MCU: variants seen among roughly 807,000 people sequenced by gnomAD.
MCU encodes the protein mitochondrial calcium uniporter, also known as calcium uniporter protein, mitochondrial.
MCU carries 12 observed loss-of-function variants against 45.2 expected under a neutral mutation model. The observed-to-expected ratio is 0.27, with a 90% CI of 0.17 to 0.43. The LOEUF (loss-of-function observed/expected upper bound fraction) is 0.43. MCU is among the 20% of genes least tolerant of loss of function. The pLI, the probability that MCU is intolerant of heterozygous loss-of-function variation, is 1.00. For synonymous variants in MCU, 160 were observed against 165.1 expected, an observed-to-expected ratio of 0.97 and a Z score of 0.24; for missense variants, 324 against 436.7, an observed-to-expected ratio of 0.74 and a Z score of 2.30.
intron 6 of MCU, among the ~76,000 whole-genome samples, chr10:72,871,842 A>G (rs1845547474): frequency 6.6e-6 from 1 of 152,234 alleles, no homozygotes; most frequent in Non-Finnish European, 1.5e-5. Context: ...TCAGAGAAAT[A>G]TACTACAGTA....
chr10:72,728,180 T>A (rs1843124708), intron 1 of MCU, among the ~76,000 whole-genome samples: 1 of 152,194 alleles, frequency 6.6e-6, no homozygotes. Flanking sequence ...TCACATGGTG[T>A]CTCCATTATA....
chr10:72,825,978 G>A (rs1367397867), intron 1 of MCU, among the ~76,000 whole-genome samples: 1 of 152,162 alleles, frequency 6.6e-6, no homozygotes, highest in Non-Finnish European at 1.5e-5. Context: ...CTCTCTATGA[G>A]CCCTAGTTGC....
At chr10:72,793,424 C>G (rs1301881058) in intron 1 of MCU, among the ~76,000 whole-genome samples, 1 of 152,040 alleles carries the variant, frequency 6.6e-6, no homozygotes, top group African/African-American at 2.4e-5. Context: ...GCAAACAGTC[C>G]TATATACCTT....
chr10:72,773,376 C>A (rs1843841088), intron 1 of MCU, among the ~76,000 whole-genome samples: 1 of 151,958 alleles, frequency 6.6e-6, no homozygotes, highest in African/African-American at 2.4e-5. Flanking sequence ...CTCTCAATGG[C>A]AGAATGGATC....
chr10:72,804,050 AT>A (rs1844386388), intron 1 of MCU, among the ~76,000 whole-genome samples: 20 of 82,530 alleles, frequency 2.4e-4, no homozygotes, highest in African/African-American at 9.3e-4. Context: ...ATATATATAT[AT>A]ATATATATAT....
chr10:72,760,712 CTTTCTTT>C (rs1004415504), intron 1 of MCU: 15 of 116,828 alleles, frequency 1.3e-4, no homozygotes, highest in South Asian at 5.2e-4. Context: ...TTTTTTTTTT[CTTTCTTT>C]TTTTTTTTTT....
chr10:72,825,944 T>C (rs552974128), intron 1 of MCU, among the ~76,000 whole-genome samples: 326 of 152,296 alleles, frequency 2.1e-3, no homozygotes, highest in African/African-American at 7.5e-3. Context: ...ACTCAACGCA[T>C]TGGTTTCTGC....
chr10:72,721,824 C>T (rs989419643), intron 1 of MCU, among the ~76,000 whole-genome samples: 82 of 152,028 alleles, frequency 5.4e-4, no homozygotes, highest in African/African-American at 1.9e-3. Flanking sequence ...TGTGGGTGGG[C>T]ATAATGGTTA....
chr10:72,784,089 C>T (rs990801702), intron 1 of MCU, among the ~76,000 whole-genome samples: 1 of 152,194 alleles, frequency 6.6e-6, no homozygotes, highest in East Asian at 1.9e-4. Context: ...GATGGTGTAG[C>T]TCCTTGCTTA....
chr10:72,769,986 T>C (rs1241106263), intron 1 of MCU, among the ~76,000 whole-genome samples: 1 of 152,260 alleles, frequency 6.6e-6, no homozygotes, highest in African/African-American at 2.4e-5. Context: ...AGTTTTGTTA[T>C]ATTGTGTCTT....
At chr10:72,714,322 A>G (rs1842930847) in intron 1 of MCU, among the ~76,000 whole-genome samples, 2 of 111,660 alleles carry the variant, frequency 1.8e-5, no homozygotes, top group Admixed American at 9.6e-5. Context: ...ATGAGCTGTT[A>G]CTTCAGTTCC....
chr10:72,794,137 C>T (rs932456815), intron 1 of MCU, among the ~76,000 whole-genome samples: 2 of 152,028 alleles, frequency 1.3e-5, no homozygotes, highest in Non-Finnish European at 2.9e-5. Context: ...TAAATCAAGT[C>T]CATGTTTGAT....
Position 72,781,006 on chromosome 10 carries a change from TG to T in MCU, c.151-53348del, listed in dbSNP as rs544242730. ...TTGATTAATATTTTATTCATTTATT[TG>T]GGGGTATTTGCCTTCTTAATGGAAT... On this transcript the variant is annotated intron_variant, in intron 1 of 7. Coordinates refer to ENST00000373053, the MANE Select transcript of MCU (RefSeq NM_138357.3). Among the ~76,000 whole-genome samples the T allele has an allele frequency of 3.9e-3, 599 of 152,322 alleles. 2 individuals are homozygous for T. Among genetic ancestry groups the T allele is most frequent in the African/African-American group, 0.014 (570 of 41,576 alleles).
chr10:72,706,446 C>T (rs141793871), intron 1 of MCU, among the ~76,000 whole-genome samples: 5 of 152,042 alleles, frequency 3.3e-5, no homozygotes, highest in African/African-American at 1.2e-4. Context: ...TTAGACAACA[C>T]ACATTCTTTG....
At chr10:72,739,799 C>T (rs1843300731) in intron 1 of MCU, among the ~76,000 whole-genome samples, 1 of 151,552 alleles carries the variant, frequency 6.6e-6, no homozygotes, top group Non-Finnish European at 1.5e-5. Context: ...GCCTTAGCCT[C>T]CCGAGTAGCT....
At chr10:72,716,546 CG>C (rs1420870749) in intron 1 of MCU, among the ~76,000 whole-genome samples, 2 of 151,906 alleles carry the variant, frequency 1.3e-5, no homozygotes, top group Non-Finnish European at 2.9e-5. Flanking sequence ...TGGGTGTAGG[CG>C]TTCATTCAGT....
At chr10:72,720,810 G>T (rs1843011499) in intron 1 of MCU, among the ~76,000 whole-genome samples, 2 of 152,166 alleles carry the variant, frequency 1.3e-5, no homozygotes, top group Admixed American at 1.3e-4. Flanking sequence ...CAATTGAAAT[G>T]ATAATAGAAC....
chr10:72,776,661 A>T (rs956297727), intron 1 of MCU, among the ~76,000 whole-genome samples: 2 of 152,204 alleles, frequency 1.3e-5, no homozygotes, highest in East Asian at 1.9e-4. Flanking sequence ...GTGGAAGAAG[A>T]TAAGAATGGC....
chr10:72,847,034 C>T (rs1845133653), intron 2 of MCU, among the ~76,000 whole-genome samples: 1 of 152,208 alleles, frequency 6.6e-6, no homozygotes, highest in South Asian at 2.1e-4. Flanking sequence ...TGCAGTGGTG[C>T]AAACTGGGCT....
Sources: gnomAD v4.1 joint callset for allele counts (sites outside exome capture counted in the v4.1 genomes callset) on GRCh38, gnomAD v4.1.1 for gene constraint, MANE v1.5 for transcripts, NCBI Gene and HGNC (gene_info 2026-07-23, HGNC 2026-07-21) for gene names.